The following COL21A1 variants were observed in gnomAD, a reference collection of about 807,000 sequenced individuals.
COL21A1 encodes collagen alpha-1(XXI) chain.
Under a neutral mutation model 137.9 loss-of-function variants are expected in COL21A1, and 149 were observed. The observed-to-expected ratio is 1.08, with a 90% confidence interval of 0.95 to 1.24. The LOEUF (loss-of-function observed/expected upper bound fraction) is 1.24, where lower values mean the gene tolerates loss of function less well. COL21A1 is among the 50% of genes most tolerant of loss of function. The pLI, the probability that COL21A1 is intolerant of heterozygous loss-of-function variation, is 0.00. For missense variants in COL21A1, 1,167 were observed against 1,158.4 expected (o/e 1.01, Z -0.11); for synonymous variants, 456 against 391.5 (o/e 1.16, Z -1.95).
intron 1 of COL21A1, among the ~76,000 whole-genome samples, chr6:56,233,516 T>C (rs866267636): frequency 2.0e-5 from 3 of 151,722 alleles, no homozygotes; most frequent in Non-Finnish European, 4.4e-5. Flanking sequence ...TAGTTGAAGA[T>C]GGAAATAGCT....
intron 9 of COL21A1, among the ~76,000 whole-genome samples, chr6:56,164,001 A>G (rs922598603): frequency 2.4e-4 from 36 of 152,172 alleles, no homozygotes; most frequent in Admixed American, 2.2e-3. Flanking sequence ...AATAAAATCA[A>G]TTTGAAATTT....
At chr6:56,175,573 TAACC>T (rs2152276813) in intron 3 of COL21A1, among the ~76,000 whole-genome samples, 1 of 152,074 alleles carries the variant, frequency 6.6e-6, no homozygotes, top group African/African-American at 2.4e-5. Flanking sequence ...GAAATAAACT[TAACC>T]AAAGAATCAA....
At chr6:56,238,608 T>C (rs1310895228) in intron 1 of COL21A1, among the ~76,000 whole-genome samples, 1 of 151,840 alleles carries the variant, frequency 6.6e-6, no homozygotes, top group Non-Finnish European at 1.5e-5. Context: ...AATCAACACC[T>C]ACAGCCACAA....
At chr6:56,243,859 T>C (rs1782493054) in intron 1 of COL21A1, among the ~76,000 whole-genome samples, 3 of 152,230 alleles carry the variant, frequency 2.0e-5, no homozygotes, top group Admixed American at 6.5e-5. Flanking sequence ...TTTAGACTCA[T>C]GGTTCATTTT....
rs200681682 is a variant in COL21A1, at chr6:56,184,199, C to T, written c.-38-1543G>A. On this transcript the variant is annotated intron_variant, in intron 1 of 29. Coordinates refer to ENST00000244728, the MANE Select transcript of COL21A1 (RefSeq NM_030820.4). Reference sequence around the variant, plus strand: ...TCAAAGAACTTCAGCAAACCCCAAGCGAGACACAAAGTAAATCATGCCTAC... The same window carrying T: ...TCAAAGAACTTCAGCAAACCCCAAGTGAGACACAAAGTAAATCATGCCTAC... 2.1e-4 allele frequency among the ~76,000 whole-genome samples: 32 copies of T among 152,072 alleles called. No homozygotes were observed. The East Asian group carries it at 5.8e-3, about 28-fold the overall frequency.
chr6:56,058,192 A>G (rs1765494846), intron 29 of COL21A1, among the ~76,000 whole-genome samples: 1 of 152,194 alleles, frequency 6.6e-6, no homozygotes, highest in South Asian at 2.1e-4. Flanking sequence ...ATTATTATAA[A>G]TTAACAGGTG....
intron 7 of COL21A1, among the ~76,000 whole-genome samples, chr6:56,165,134 C>A (rs956108638): frequency 2.0e-5 from 3 of 152,068 alleles, no homozygotes; most frequent in Non-Finnish European, 2.9e-5. Flanking sequence ...GATTTATATG[C>A]TGTCTTGAAA....
At chr6:56,382,977 A>G (rs1392796272) in intron 1 of COL21A1, among the ~76,000 whole-genome samples, 1 of 152,166 alleles carries the variant, frequency 6.6e-6, no homozygotes, top group Non-Finnish European at 1.5e-5. Flanking sequence ...CAGTACTCAC[A>G]GTCCTAACCT....
chr6:56,379,630 T>C (rs1359224374), intron 1 of COL21A1, among the ~76,000 whole-genome samples: 3 of 152,118 alleles, frequency 2.0e-5, no homozygotes, highest in African/African-American at 7.2e-5. Flanking sequence ...CATCAAAAAC[T>C]GTAATTTTAA....
intron 1 of COL21A1, among the ~76,000 whole-genome samples, chr6:56,377,059 C>T (rs1043168787): frequency 1.3e-5 from 2 of 149,790 alleles, no homozygotes; most frequent in Non-Finnish European, 3.0e-5. Flanking sequence ...CTCACTGCAA[C>T]CTCCACCTGC....
chr6:56,211,222 T>TATATAC lies in COL21A1; in HGVS notation c.-38-28572_-38-28567dup, dbSNP rs1177255121. On this transcript the variant is annotated intron_variant, in intron 1 of 29. Transcript: ENST00000244728. The stretch of plus-strand genomic sequence containing the variant: ...ATATATACATATATATGTATATGTA[T>TATATAC]ATATACATATATATGTATATGTATA... 5.9e-3 allele frequency among the ~76,000 whole-genome samples: 236 copies of TATATAC among 39,746 alleles called. 1 individual carries two copies. Among genetic ancestry groups the TATATAC allele is most frequent in the African/African-American group, 0.026 (220 of 8,548 alleles). The allele number at this position is 39,746 out of a possible 152,430, so 26.1% of individuals were successfully genotyped here.
chr6:56,391,835 A>G (rs980347683), intron 1 of COL21A1, among the ~76,000 whole-genome samples: 4 of 152,174 alleles, frequency 2.6e-5, no homozygotes, highest in Non-Finnish European at 5.9e-5. Context: ...CAATAGACCA[A>G]CAACAAGTAA....
chr6:56,215,364 C>A (rs1780418091), intron 1 of COL21A1, among the ~76,000 whole-genome samples: 1 of 151,970 alleles, frequency 6.6e-6, no homozygotes, highest in Non-Finnish European at 1.5e-5. Flanking sequence ...CTTTGGACAC[C>A]CTTCTGACTC....
chr6:56,163,399 A>C (rs1247503914), intron 9 of COL21A1, among the ~76,000 whole-genome samples: 4 of 152,210 alleles, frequency 2.6e-5, no homozygotes, highest in African/African-American at 9.6e-5. Flanking sequence ...ATGCCACAAG[A>C]AGCACAACTT....
chr6:56,363,286 A>C (rs1369862088), intron 1 of COL21A1, among the ~76,000 whole-genome samples: 1 of 152,210 alleles, frequency 6.6e-6, no homozygotes, highest in African/African-American at 2.4e-5. Context: ...AATAAGTATC[A>C]TGTGTATGGA....
intron 10 of COL21A1, among the ~76,000 whole-genome samples, chr6:56,152,571 C>T (rs1211300238): frequency 2.0e-5 from 3 of 151,996 alleles, no homozygotes; most frequent in South Asian, 2.1e-4. Context: ...TGAGATGAGG[C>T]AATAAATAAT....
At chr6:56,097,871 C>CA (rs1181245089) in intron 17 of COL21A1, among the ~76,000 whole-genome samples, 1 of 41,744 alleles carries the variant, frequency 2.4e-5, no homozygotes, top group Non-Finnish European at 5.8e-5. Flanking sequence ...ATAAAAATAT[C>CA]TATAAATATA....
intron 1 of COL21A1, among the ~76,000 whole-genome samples, chr6:56,321,543 T>C (rs905536073): frequency 3.9e-5 from 6 of 152,198 alleles, no homozygotes; most frequent in African/African-American, 9.6e-5. Flanking sequence ...GCAGACCATG[T>C]AAATGATGTT....
At chr6:56,211,169 GTATA>G (rs1561988468) in intron 1 of COL21A1, among the ~76,000 whole-genome samples, 1 of 11,632 alleles carries the variant, frequency 8.6e-5, no homozygotes, top group Non-Finnish European at 1.5e-4. Context: ...GTGTGTATAT[GTATA>G]TATACATATA....
Sources: gnomAD v4.1 joint callset for allele counts (sites outside exome capture counted in the v4.1 genomes callset) on GRCh38, gnomAD v4.1.1 for gene constraint, MANE v1.5 for transcripts, NCBI Gene and HGNC (gene_info 2026-07-23, HGNC 2026-07-21) for gene names.